The following MARCHF2 variants were observed in gnomAD, a reference collection of about 807,000 sequenced individuals.
MARCHF2 encodes the protein E3 ubiquitin-protein ligase MARCHF2.
Under a neutral mutation model 24.0 loss-of-function variants are expected in MARCHF2, and 22 were observed. The ratio of observed to expected loss-of-function variants is 0.92; its 90% confidence interval spans 0.66 to 1.31. MARCHF2 has a LOEUF of 1.31. Among genes scored for constraint, MARCHF2 ranks in the 50% most tolerant of loss-of-function variants. MARCHF2 has a pLI of 0.00. For missense variants in MARCHF2, 301 were observed against 335.3 expected (o/e 0.90, Z 0.80); for synonymous variants, 154 against 153.0 (o/e 1.01, Z -0.05).
Position 8,429,803 on chromosome 19 carries a change from CTTT to C in MARCHF2, c.373-834_373-832del, listed in dbSNP as rs371323385. Among the ~76,000 whole-genome samples the C allele has an allele frequency of 1.4e-3, 114 of 79,670 alleles. 1 individual carries two copies. The highest frequency in any genetic ancestry group is 0.018 in the Middle Eastern group (2 of 114). 52.3% of individuals were successfully genotyped at this position (79,670 alleles called of 152,430 possible). ...ACAGACGTGAACCACCACACCAGGG[CTTT>C]TTTTTTTTTTTTTTTTTTTTAGCCC... On this transcript the variant is annotated intron_variant, in intron 3 of 4. Coordinates refer to ENST00000215555, the MANE Select transcript of MARCHF2 (RefSeq NM_001005415.2).
chr19:8,420,326 C>T (rs557591308), intron 1 of MARCHF2, among the ~76,000 whole-genome samples: 14 of 148,604 alleles, frequency 9.4e-5, no homozygotes, highest in East Asian at 7.8e-4. Context: ...CCAGCCTGGG[C>T]GACAAGAGTG....
chr19:8,436,953 G>A (rs1967741901), intron 4 of MARCHF2, among the ~76,000 whole-genome samples: 1 of 151,292 alleles, frequency 6.6e-6, no homozygotes, highest in Non-Finnish European at 1.5e-5. Flanking sequence ...GCCTCCCAAA[G>A]TGCTGGGATT....
chr19:8,426,287 A>T (rs1967400386), intron 2 of MARCHF2, among the ~76,000 whole-genome samples: 1 of 150,060 alleles, frequency 6.7e-6, no homozygotes, highest in Admixed American at 6.7e-5. Context: ...CAGGACAATC[A>T]GGGTGGGTAT....
At chr19:8,426,462 G>T in intron 2 of MARCHF2, 147 bp from the exon 3 acceptor site, 1 of 642,302 alleles carries the variant, frequency 1.6e-6, no homozygotes. Flanking sequence ...CCAAAGGGAA[G>T]GACATTTAGA....
chr19:8,418,823 C>T (rs1166501557), intron 1 of MARCHF2: 1 of 151,788 alleles, frequency 6.6e-6, no homozygotes, highest in Non-Finnish European at 1.5e-5. Flanking sequence ...AACAACTTCC[C>T]CTGGCCCAGG....
chr19:8,418,049 TC>T (rs1967131559), intron 1 of MARCHF2, among the ~76,000 whole-genome samples: 1 of 145,098 alleles, frequency 6.9e-6, no homozygotes, highest in African/African-American at 2.6e-5. Flanking sequence ...CATGCATGAG[TC>T]ACCACGCCCG....
chr19:8,426,878 C>A, intron 3 of MARCHF2, 74 bp downstream of exon 3: 1 of 1,387,876 alleles, frequency 7.2e-7, no homozygotes, highest in Non-Finnish European at 1.0e-6. Flanking sequence ...CAGGAGCTGC[C>A]CCGGGCAATC....
chr19:8,434,473 A>G (rs1466456007), intron 4 of MARCHF2, among the ~76,000 whole-genome samples: 1 of 74,240 alleles, frequency 1.3e-5, no homozygotes, highest in Non-Finnish European at 3.8e-5. Flanking sequence ...GGTGTTCTTT[A>G]AAAAAAAAAA....
At chr19:8,420,027 G>C (rs181504878) in intron 1 of MARCHF2, among the ~76,000 whole-genome samples, 3,787 of 149,952 alleles carry the variant, frequency 0.025, 93 homozygotes, top group Non-Finnish European at 0.036. Flanking sequence ...GTGTGTTGGC[G>C]GGCGCCTGTA....
chr19:8,420,398 T>G (rs1967203679), intron 1 of MARCHF2, among the ~76,000 whole-genome samples: 1 of 149,280 alleles, frequency 6.7e-6, no homozygotes, highest in African/African-American at 2.5e-5. Context: ...TAGCCAGGCA[T>G]GGTGGTGCAT....
At chr19:8,419,375 T>C (rs1967165109) in intron 1 of MARCHF2, among the ~76,000 whole-genome samples, 1 of 151,928 alleles carries the variant, frequency 6.6e-6, no homozygotes, top group South Asian at 2.1e-4. Flanking sequence ...ATGCCTGTAG[T>C]CTCAGCTACT....
chr19:8,429,476 G>T (rs1393385644), intron 3 of MARCHF2, among the ~76,000 whole-genome samples: 2 of 128,270 alleles, frequency 1.6e-5, no homozygotes, highest in Non-Finnish European at 3.3e-5. Flanking sequence ...AGAAATGAAA[G>T]AACTTATTAT....
intron 4 of MARCHF2, among the ~76,000 whole-genome samples, chr19:8,436,722 A>C (rs1599719136): frequency 9.2e-6 from 1 of 108,278 alleles, no homozygotes; most frequent in Admixed American, 1.3e-4. Flanking sequence ...TCGCTCTTTC[A>C]CCCAGGCTGG....
chr19:8,433,925 G>A (rs371198521), intron 4 of MARCHF2, among the ~76,000 whole-genome samples: 2 of 146,688 alleles, frequency 1.4e-5, no homozygotes, highest in African/African-American at 2.7e-5. Context: ...AATGATGGGG[G>A]TGTGAGGTAT....
intron 1 of MARCHF2, among the ~76,000 whole-genome samples, chr19:8,415,489 C>T (rs923902466): frequency 1.3e-4 from 19 of 150,898 alleles, no homozygotes; most frequent in South Asian, 4.2e-4. Context: ...GAAGCCAAGG[C>T]GGGTGGATCA....
chr19:8,421,729 A>G, intron 1 of MARCHF2, 60 bp from the exon 2 acceptor site: 1 of 954,316 alleles, frequency 1.0e-6, no homozygotes, highest in South Asian at 1.7e-5. Context: ...AGGGGACTCA[A>G]ACCTTAGTCC....
chr19:8,434,763 A>G (rs1487794014), intron 4 of MARCHF2, among the ~76,000 whole-genome samples: 4 of 152,018 alleles, frequency 2.6e-5, no homozygotes, highest in East Asian at 1.9e-4. Flanking sequence ...CCAGAGTGCA[A>G]TGGTGCAATC....
chr19:8,419,554 C>T (rs1235022268), intron 1 of MARCHF2, among the ~76,000 whole-genome samples: 1 of 151,258 alleles, frequency 6.6e-6, no homozygotes, highest in African/African-American at 2.4e-5. Context: ...CGGTGGCTCA[C>T]ACCTGTAATC....
Position 8,417,690 on chromosome 19 carries a change from G to A in MARCHF2, c.-52-4099G>A, listed in dbSNP as rs1246921490. Among the ~76,000 whole-genome samples the A allele has an allele frequency of 2.7e-5, 4 of 150,110 alleles. No homozygotes were observed. The East Asian group carries it at 5.9e-4, about 22-fold the overall frequency. On this transcript the variant is annotated intron_variant, in intron 1 of 4. Coordinates refer to ENST00000215555, the MANE Select transcript of MARCHF2 (RefSeq NM_001005415.2). ...TGACTTCAGGTGATCCGCCCGCCTC[G>A]GCCTCCCAAAGTGCTGGGATTACAG...
Sources: gnomAD v4.1 joint callset for allele counts (sites outside exome capture counted in the v4.1 genomes callset) on GRCh38, gnomAD v4.1.1 for gene constraint, MANE v1.5 for transcripts, NCBI Gene and HGNC (gene_info 2026-07-23, HGNC 2026-07-21) for gene names.